Variants in CALN1 observed in about 807,000 individuals in gnomAD.
CALN1 encodes calneuron 1.
Under a neutral mutation model 30.6 loss-of-function variants are expected in CALN1, and 17 were observed. The observed-to-expected ratio is 0.56, with a 90% CI of 0.38 to 0.83. CALN1 has a LOEUF of 0.83. CALN1 is among the 40% of genes least tolerant of loss of function. CALN1 has a pLI of 0.00. For missense variants in CALN1, 291 were observed against 354.9 expected, an observed-to-expected ratio of 0.82 and a Z score of 1.45; for synonymous variants, 156 against 131.4, an observed-to-expected ratio of 1.19 and a Z score of -1.28.
In CALN1 at chr7:72,438,577, A is replaced by G. The variant is rs191530679; in HGVS notation, c.-226+8465T>C. Among the ~76,000 whole-genome samples, 7 of 152,346 alleles carry G rather than the reference A, an allele frequency of 4.6e-5. No homozygotes were observed. The East Asian group carries it at 1.4e-3, about 29-fold the overall frequency. ...TGAGAATAGACCGTCTTAAAATAGT[A>G]GCCGCCACGTAGAGACATCACAGCA... On this transcript the variant is annotated intron_variant, in intron 1 of 6. Coordinates refer to the CALN1 transcript ENST00000395276.
rs201134292 is a variant in CALN1, at chr7:72,009,776, CTT to C, written c.501+13879_501+13880del. 6.8e-4 allele frequency among the ~76,000 whole-genome samples: 103 copies of C among 152,308 alleles called. 3 individuals are homozygous for C. In the East Asian group the frequency reaches 0.018, roughly 27 times the overall value. ...CCCTTTCATTTGGCTCTCATTCTCTCTTGTCTGCCACCATGTAAGACATGCCT... is the reference window on the plus strand; with the variant it reads ...CCCTTTCATTTGGCTCTCATTCTCTCGTCTGCCACCATGTAAGACATGCCT... On this transcript the variant is annotated intron_variant, in intron 5 of 6. Transcript: ENST00000395275.
chr7:71,837,265 A>AAG (rs1789676454), intron 5 of CALN1, among the ~76,000 whole-genome samples: 1 of 147,712 alleles, frequency 6.8e-6, no homozygotes, highest in Non-Finnish European at 1.5e-5. Context: ...AAAAAAAAAA[A>AAG]GCCACAAAGT....
intron 4 of CALN1, among the ~76,000 whole-genome samples, chr7:72,036,962 T>G (rs1476845749): frequency 2.0e-5 from 3 of 152,174 alleles, no homozygotes; most frequent in African/African-American, 7.2e-5. Flanking sequence ...TTTGTCATTT[T>G]TTATTTGTTT....
chr7:72,150,224 T>C (rs555336744), intron 3 of CALN1, among the ~76,000 whole-genome samples: 18 of 151,926 alleles, frequency 1.2e-4, no homozygotes, highest in Non-Finnish European at 2.5e-4. Context: ...ATATGCAAGA[T>C]GGAGCCCAAG....
At chr7:72,320,975 T>C (rs938395734) in intron 2 of CALN1, among the ~76,000 whole-genome samples, 1 of 152,148 alleles carries the variant, frequency 6.6e-6, no homozygotes, top group Non-Finnish European at 1.5e-5. Context: ...TCTCTGGGGT[T>C]AGGTGCCCTC....
chr7:72,263,443 T>G (rs75543734), intron 3 of CALN1, among the ~76,000 whole-genome samples: 1 of 152,162 alleles, frequency 6.6e-6, no homozygotes. Flanking sequence ...TCATCCAAGC[T>G]GGAGTTCAAT....
chr7:71,909,188 T>C (rs1794298427), intron 5 of CALN1, among the ~76,000 whole-genome samples: 1 of 152,138 alleles, frequency 6.6e-6, no homozygotes, highest in Non-Finnish European at 1.5e-5. Flanking sequence ...AGCTGATTTT[T>C]ATTTTTTAGA....
chr7:72,405,784 G>A (rs1262489393), intron 1 of CALN1, among the ~76,000 whole-genome samples: 1 of 152,094 alleles, frequency 6.6e-6, no homozygotes, highest in Non-Finnish European at 1.5e-5. Context: ...CCAGCACCAT[G>A]GAAGTTGTGA....
At chr7:71,841,222 G>A (rs1315774759) in intron 5 of CALN1, among the ~76,000 whole-genome samples, 1 of 152,168 alleles carries the variant, frequency 6.6e-6, no homozygotes, top group Non-Finnish European at 1.5e-5. Flanking sequence ...AAAGTAGAAT[G>A]CACGACCCTC....
Position 72,269,205 on chromosome 7 carries a change from GATTTT to G in CALN1, c.244+9476_244+9480del, listed in dbSNP as rs370535872. ...CCTATGTTATCCAGATGCAAGGTGA[GATTTT>G]ATTTTATTTTATTATACTTTAAGTT... On this transcript the variant is annotated intron_variant, in intron 3 of 6. Transcript: ENST00000395275. Among the ~76,000 whole-genome samples, 68 of 152,264 alleles carry G rather than the reference GATTTT, an allele frequency of 4.5e-4. 1 individual carries two copies. Among genetic ancestry groups the G allele is most frequent in the South Asian group, 3.9e-3 (19 of 4,820 alleles).
At chr7:72,083,325 C>T (rs1805275593) in intron 4 of CALN1, among the ~76,000 whole-genome samples, 1 of 152,100 alleles carries the variant, frequency 6.6e-6, no homozygotes. Flanking sequence ...TGCCAAAGAT[C>T]TCATGGTGAA....
At chr7:72,036,803 T>A (rs1028123026) in intron 4 of CALN1, among the ~76,000 whole-genome samples, 1 of 152,152 alleles carries the variant, frequency 6.6e-6, no homozygotes, top group Non-Finnish European at 1.5e-5. Flanking sequence ...ACAGCTTATT[T>A]TTTTTTCCTT....
chr7:71,888,725 C>T (rs144994802), intron 5 of CALN1, among the ~76,000 whole-genome samples: 23 of 151,696 alleles, frequency 1.5e-4, no homozygotes, highest in Non-Finnish European at 2.2e-4. Context: ...AGGCAGAGTT[C>T]GGAGCTGGTA....
intron 5 of CALN1, among the ~76,000 whole-genome samples, chr7:71,847,622 C>T (rs1330411971): frequency 6.7e-6 from 1 of 150,022 alleles, no homozygotes; most frequent in Admixed American, 6.7e-5. Context: ...GCAGAGGTTG[C>T]AGTGAGCCAA....
chr7:72,207,763 G>A (rs1791997737), intron 3 of CALN1, among the ~76,000 whole-genome samples: 1 of 152,048 alleles, frequency 6.6e-6, no homozygotes, highest in African/African-American at 2.4e-5. Flanking sequence ...GTGGATAATG[G>A]TTATATATGA....
chr7:72,202,298 G>A (rs914742754), intron 3 of CALN1, among the ~76,000 whole-genome samples: 1 of 152,034 alleles, frequency 6.6e-6, no homozygotes, highest in African/African-American at 2.4e-5. Context: ...TGAAAGTAAT[G>A]AGAATGACAG....
chr7:71,888,515 A>G (rs1015480269), intron 5 of CALN1, among the ~76,000 whole-genome samples: 11 of 152,112 alleles, frequency 7.2e-5, no homozygotes, highest in Non-Finnish European at 5.9e-5. Flanking sequence ...CAAAAAAGCA[A>G]TGAATACCTA....
At chr7:72,466,399 T>C in the CALN1 span, among the ~76,000 whole-genome samples, 4 of 152,166 alleles carry the variant, frequency 2.6e-5, no homozygotes, top group African/African-American at 9.6e-5. Flanking sequence ...CAGTCTAGTG[T>C]GTCAGGGGAA....
chr7:71,988,519 A>T (rs748760014), intron 5 of CALN1, among the ~76,000 whole-genome samples: 1 of 152,316 alleles, frequency 6.6e-6, no homozygotes, highest in Non-Finnish European at 1.5e-5. Flanking sequence ...TTTCTCCGAC[A>T]CATGGCTGAA....
Sources: allele counts gnomAD v4.1 joint callset (sites outside exome capture counted in the v4.1 genomes callset), GRCh38; gene constraint gnomAD v4.1.1; transcripts MANE v1.5; gene names NCBI Gene and HGNC (gene_info 2026-07-23, HGNC 2026-07-21).